Variants in MDGA2 observed in about 807,000 individuals in gnomAD.
MDGA2 encodes MAM domain containing glycosylphosphatidylinositol anchor 2, also known as MAM domain-containing glycosylphosphatidylinositol anchor protein 2.
Under a neutral mutation model 117.8 loss-of-function variants are expected in MDGA2, and 40 were observed. The ratio of observed to expected loss-of-function variants is 0.34; its 90% CI spans 0.26 to 0.44. The LOEUF (loss-of-function observed/expected upper bound fraction) is 0.44, where lower values mean the gene tolerates loss of function less well. Among genes scored for constraint, MDGA2 ranks in the 20% least tolerant of loss-of-function variants. MDGA2 has a pLI of 1.00. For synonymous variants in MDGA2, 452 were observed against 439.0 expected (o/e 1.03, Z -0.37); for missense variants, 1,123 against 1,250.6 (o/e 0.90, Z 1.54).
chr14:47,603,598 C>G (rs534698169), intron 1 of MDGA2, among the ~76,000 whole-genome samples: 1 of 152,126 alleles, frequency 6.6e-6, no homozygotes, highest in African/African-American at 2.4e-5. Context: ...TTCCAGTTCC[C>G]CCACTTATCC....
chr14:46,865,906 GGAA>G (rs1566497813), intron 14 of MDGA2, among the ~76,000 whole-genome samples: 1 of 150,850 alleles, frequency 6.6e-6, no homozygotes, highest in Non-Finnish European at 1.5e-5. Flanking sequence ...ACAAACAAAT[GGAA>G]GAACATTCCA....
intron 1 of MDGA2, among the ~76,000 whole-genome samples, chr14:47,409,201 T>A (rs1178643616): frequency 6.6e-6 from 1 of 152,216 alleles, no homozygotes; most frequent in Admixed American, 6.5e-5. Context: ...ATGTGGCTGC[T>A]GTATTGAACA....
intron 2 of MDGA2, among the ~76,000 whole-genome samples, chr14:47,246,767 G>A (rs73251612): frequency 0.047 from 6,885 of 147,786 alleles, 293 homozygotes; most frequent in African/African-American, 0.066. Flanking sequence ...TAACAGGAAA[G>A]AACAAAAACC....
chr14:46,878,990 G>A lies in MDGA2; in HGVS notation c.2417-1481C>T, dbSNP rs1000373195. Among the ~76,000 whole-genome samples the A allele has an allele frequency of 9.9e-5, 15 of 152,058 alleles. No homozygotes were observed. The East Asian group carries it at 2.5e-3, about 26-fold the overall frequency. ...TGCACAAACTTCTAAATAGTTCAGC[G>A]AGTCCAGTTTTTTCTTCTTTCATTT... On this transcript the variant is annotated intron_variant, in intron 11 of 16. Transcript: ENST00000399232.
chr14:47,133,130 CA>C (rs1201398229), intron 4 of MDGA2, among the ~76,000 whole-genome samples: 12 of 147,224 alleles, frequency 8.2e-5, no homozygotes, highest in African/African-American at 2.2e-4. Flanking sequence ...AACAAACAAA[CA>C]AAAAAAAACT....
intron 5 of MDGA2, among the ~76,000 whole-genome samples, chr14:47,122,555 G>C: frequency 6.6e-6 from 1 of 152,004 alleles, no homozygotes; most frequent in Non-Finnish European, 1.5e-5. Context: ...CTGGCCACAT[G>C]AACTTAAGAA....
intron 6 of MDGA2, among the ~76,000 whole-genome samples, chr14:47,091,272 C>T (rs1334685902): frequency 6.6e-6 from 1 of 152,078 alleles, no homozygotes; most frequent in Non-Finnish European, 1.5e-5. Context: ...TGAGCATCTA[C>T]TATATGCTGG....
chr14:47,050,605 T>C (rs1254913375), intron 7 of MDGA2, among the ~76,000 whole-genome samples: 3 of 151,980 alleles, frequency 2.0e-5, no homozygotes, highest in Admixed American at 6.6e-5. Flanking sequence ...TATATACTAG[T>C]GATGCTGTTA....
chr14:47,466,945 A>C (rs1325963277), intron 1 of MDGA2, among the ~76,000 whole-genome samples: 1 of 152,128 alleles, frequency 6.6e-6, no homozygotes, highest in Non-Finnish European at 1.5e-5. Context: ...AAGAGAGAAC[A>C]AGAAGGGTAA....
intron 1 of MDGA2, among the ~76,000 whole-genome samples, chr14:47,490,209 G>T (rs987093995): frequency 6.6e-6 from 1 of 151,914 alleles, no homozygotes; most frequent in South Asian, 2.1e-4. Flanking sequence ...AAGTATTTTT[G>T]CATTCTAGTT....
intron 5 of MDGA2, among the ~76,000 whole-genome samples, chr14:47,103,352 G>A (rs888732108): frequency 2.6e-5 from 4 of 152,032 alleles, no homozygotes; most frequent in African/African-American, 4.8e-5. Context: ...AATATAAGTA[G>A]CAGTGAATAT....
chr14:47,424,258 C>T (rs975714286), intron 1 of MDGA2, among the ~76,000 whole-genome samples: 5 of 151,904 alleles, frequency 3.3e-5, no homozygotes, highest in African/African-American at 1.2e-4. Context: ...GTCGTCTCTA[C>T]AAAAAAATTT....
chr14:47,067,821 A>G (rs1342019122), intron 6 of MDGA2, among the ~76,000 whole-genome samples: 1 of 152,212 alleles, frequency 6.6e-6, no homozygotes, highest in African/African-American at 2.4e-5. Flanking sequence ...TATAAAAAGT[A>G]TATGCAGTGT....
chr14:47,001,360 C>A (rs944493162), intron 8 of MDGA2, among the ~76,000 whole-genome samples: 1 of 151,690 alleles, frequency 6.6e-6, no homozygotes, highest in South Asian at 2.1e-4. Context: ...TGTTCATAAA[C>A]GAGGAGTTAA....
chr14:47,441,181 T>C (rs1434153387), intron 1 of MDGA2, among the ~76,000 whole-genome samples: 3 of 152,074 alleles, frequency 2.0e-5, no homozygotes, highest in Non-Finnish European at 4.4e-5. Context: ...GATCCTTTAA[T>C]AGGCAAGATT....
intron 9 of MDGA2, among the ~76,000 whole-genome samples, chr14:46,936,730 A>AT (rs1013777721): frequency 6.6e-5 from 10 of 152,110 alleles, no homozygotes; most frequent in Admixed American, 4.6e-4. Flanking sequence ...ACATTCCTTC[A>AT]TAAAAAAAAA....
chr14:47,024,918 T>C (rs996491366), intron 8 of MDGA2, among the ~76,000 whole-genome samples: 34 of 152,188 alleles, frequency 2.2e-4, no homozygotes, highest in East Asian at 1.2e-3. Flanking sequence ...ACAAGGTAGA[T>C]TGAAATGATT....
At chr14:46,843,017 G>A (rs936100155) in intron 16 of MDGA2, among the ~76,000 whole-genome samples, 2 of 151,916 alleles carry the variant, frequency 1.3e-5, no homozygotes, top group East Asian at 1.9e-4. Context: ...TAGATTATTT[G>A]TGTTCAATTA....
chr14:47,274,399 T>G (rs1465654067), intron 2 of MDGA2, among the ~76,000 whole-genome samples: 4 of 152,042 alleles, frequency 2.6e-5, no homozygotes, highest in African/African-American at 9.7e-5. Flanking sequence ...TTTTTGCGCA[T>G]GTATTATTAG....
Sources: allele counts gnomAD v4.1 joint callset (sites outside exome capture counted in the v4.1 genomes callset), GRCh38; gene constraint gnomAD v4.1.1; transcripts MANE v1.5; gene names NCBI Gene and HGNC (gene_info 2026-07-23, HGNC 2026-07-21).